The following PRKCZ variants were observed in gnomAD, a reference collection of about 807,000 sequenced individuals.
PRKCZ encodes the protein protein kinase C zeta.
PRKCZ carries 33 observed loss-of-function variants against 79.5 expected under a neutral mutation model. The ratio of observed to expected loss-of-function variants is 0.41; its 90% CI spans 0.31 to 0.55. PRKCZ has a LOEUF of 0.55. Among genes scored for constraint, PRKCZ ranks in the 20% least tolerant of loss-of-function variants. The probability of loss-of-function intolerance (pLI) is 0.19; values close to 1 mark genes in which losing one functional copy is unlikely to be tolerated. For missense variants in PRKCZ, 578 were observed against 813.5 expected (o/e 0.71, Z 3.52); for synonymous variants, 342 against 320.9 (o/e 1.07, Z -0.70).
chr1:2,148,642 C>T (rs1353542076), intron 7 of PRKCZ, among the ~76,000 whole-genome samples: 2 of 152,214 alleles, frequency 1.3e-5, no homozygotes, highest in African/African-American at 4.8e-5. Context: ...CCCCTGGGGA[C>T]GTATGTCACG....
intron 4 of PRKCZ, among the ~76,000 whole-genome samples, chr1:2,101,393 C>T (rs961511961): frequency 6.6e-6 from 1 of 152,246 alleles, no homozygotes; most frequent in South Asian, 2.1e-4. Flanking sequence ...CCCCCGGCCC[C>T]CAGCCCTCCT....
chr1:2,152,807 C>T (rs1297355630), intron 9 of PRKCZ, among the ~76,000 whole-genome samples: 1 of 152,242 alleles, frequency 6.6e-6, no homozygotes, highest in Non-Finnish European at 1.5e-5. Context: ...TCCATGTGGC[C>T]GCTCGCTCAG....
chr1:2,069,049 G>C (rs566723731), intron 4 of PRKCZ, among the ~76,000 whole-genome samples: 121 of 152,308 alleles, frequency 7.9e-4, no homozygotes, highest in Non-Finnish European at 1.4e-3. Context: ...ACGTGGCCTG[G>C]TTCCTGCTGG....
At chr1:2,103,683 G>C (rs1236884629) in intron 4 of PRKCZ, among the ~76,000 whole-genome samples, 3 of 152,266 alleles carry the variant, frequency 2.0e-5, no homozygotes, top group Non-Finnish European at 4.4e-5. Context: ...GCAGGGCTAT[G>C]ATTGCAACAC....
rs570498731 is a variant in PRKCZ at position 2,180,524 on chromosome 1, T to C, written c.1576-4059T>C. On this transcript the variant is annotated intron_variant, in intron 16 of 17. Coordinates refer to ENST00000378567, the MANE Select transcript of PRKCZ (RefSeq NM_002744.6). ...CGCACAGATGACGTGGACGCACAGATGACGTGGACGCACGGACGACGTGGA... is the reference window on the plus strand; with the variant it reads ...CGCACAGATGACGTGGACGCACAGACGACGTGGACGCACGGACGACGTGGA... Among the ~76,000 whole-genome samples, 21 of 145,680 alleles carry C rather than the reference T, an allele frequency of 1.4e-4. No individual in the cohort carries two copies. The East Asian group carries it at 2.6e-3, about 18-fold the overall frequency.
intron 4 of PRKCZ, among the ~76,000 whole-genome samples, chr1:2,072,308 ATTTAAATGGAGGT>A (rs765208745): frequency 4.5e-4 from 68 of 152,348 alleles, no homozygotes; most frequent in Non-Finnish European, 5.6e-4. Context: ...GAGCTTGATG[ATTTAAATGGAGGT>A]TTTATTACTG....
intron 4 of PRKCZ, among the ~76,000 whole-genome samples, chr1:2,123,791 G>T (rs1255620848): frequency 5.8e-5 from 1 of 17,292 alleles, no homozygotes; most frequent in Non-Finnish European, 9.6e-5. Context: ...CGTGGCGGTG[G>T]TTAGGGTTGT....
intron 9 of PRKCZ, among the ~76,000 whole-genome samples, chr1:2,155,692 AATG>A (rs1167952560): frequency 2.7e-5 from 4 of 146,732 alleles, no homozygotes; most frequent in Non-Finnish European, 4.5e-5. Flanking sequence ...GGATGGTGAC[AATG>A]ATGACGGTAA....
intron 5 of PRKCZ, among the ~76,000 whole-genome samples, chr1:2,135,745 C>T (rs530675339): frequency 9.9e-4 from 151 of 152,346 alleles, no homozygotes; most frequent in African/African-American, 3.3e-3. Context: ...TAAGAGTCTC[C>T]GTGAACCCTG....
intron 1 of PRKCZ, among the ~76,000 whole-genome samples, chr1:2,054,905 C>T (rs1398952486): frequency 5.9e-5 from 9 of 151,300 alleles, no homozygotes; most frequent in East Asian, 3.9e-4. Context: ...AGGTAGGTCG[C>T]GCTTTTTTCT....
chr1:2,051,361 G>A (rs1659632323), intron 1 of PRKCZ, among the ~76,000 whole-genome samples: 1 of 152,244 alleles, frequency 6.6e-6, no homozygotes, highest in Non-Finnish European at 1.5e-5. Context: ...GCGCTGCTGG[G>A]GGTGGCGGGG....
chr1:2,155,923 C>A lies in PRKCZ; in HGVS notation c.877-72C>A, dbSNP rs1290636740. Reference sequence around the variant, plus strand: ...GCGGAGGAAAGAGACTCCTCCCTTGCCTCCCCCTTGCCCAGGATGCCTGTG... The same window carrying A: ...GCGGAGGAAAGAGACTCCTCCCTTGACTCCCCCTTGCCCAGGATGCCTGTG... On this transcript the variant is annotated intron_variant, in intron 9 of 17. Transcript: ENST00000378567. 2.3e-6 allele frequency: 3 copies of A among 1,332,682 alleles called. No homozygotes were observed. The African/African-American group carries it at 4.3e-5, about 19-fold the overall frequency. 82.6% of individuals were successfully genotyped at this position (1,332,682 alleles called of 1,614,324 possible).
At chr1:2,080,731 C>G (rs1663341300) in intron 4 of PRKCZ, among the ~76,000 whole-genome samples, 1 of 152,150 alleles carries the variant, frequency 6.6e-6, no homozygotes, top group South Asian at 2.1e-4. Context: ...CCCCTCCTGC[C>G]CCCTTTCTGT....
intron 4 of PRKCZ, among the ~76,000 whole-genome samples, chr1:2,066,697 C>T (rs996127681): frequency 2.2e-4 from 33 of 152,274 alleles, no homozygotes; most frequent in African/African-American, 7.7e-4. Flanking sequence ...TGTTCTTTTT[C>T]TGGTTCCTTG....
intron 4 of PRKCZ, among the ~76,000 whole-genome samples, chr1:2,120,074 T>G (rs3107151): frequency 0.65 from 98,491 of 151,962 alleles, 32,327 homozygotes; most frequent in African/African-American, 0.75. Flanking sequence ...TTGGAGTGTT[T>G]GTCATTTCTG....
intron 3 of PRKCZ, among the ~76,000 whole-genome samples, 184 bp from the exon 4 acceptor site, chr1:2,059,357 G>A (rs953813391): frequency 2.0e-5 from 3 of 152,146 alleles, no homozygotes; most frequent in African/African-American, 7.2e-5. Flanking sequence ...TTTTAAAGTC[G>A]GAGCCTGGCC....
At chr1:2,079,846 C>T (rs925445374) in intron 4 of PRKCZ, among the ~76,000 whole-genome samples, 1 of 152,184 alleles carries the variant, frequency 6.6e-6, no homozygotes, top group Non-Finnish European at 1.5e-5. Flanking sequence ...TGGGGCACCA[C>T]AGAGCTGGTG....
chr1:2,089,943 G>A (rs1038775370), intron 4 of PRKCZ, among the ~76,000 whole-genome samples: 1 of 152,112 alleles, frequency 6.6e-6, no homozygotes, highest in Non-Finnish European at 1.5e-5. Flanking sequence ...GGAGACCAGC[G>A]TCTGAGAGCT....
At position 2,184,879 on chromosome 1, in the gene PRKCZ, A is replaced by G. The variant is rs766602379; in HGVS notation, c.1692-43A>G. 1.9e-5 allele frequency: 29 copies of G among 1,545,634 alleles called. 1 individual carries two copies. Among genetic ancestry groups the G allele is most frequent in the South Asian group, 6.8e-5 (6 of 88,508 alleles). Reference sequence around the variant, plus strand: ...TGACTCCGCTTCCCCCAAGGGAATGAACACACGGTCACCCCCCTCCCCCCT... The same window carrying G: ...TGACTCCGCTTCCCCCAAGGGAATGGACACACGGTCACCCCCCTCCCCCCT... On this transcript the variant is annotated intron_variant, in intron 17 of 17. Coordinates refer to ENST00000378567, the MANE Select transcript of PRKCZ (RefSeq NM_002744.6).
Sources: allele counts gnomAD v4.1 joint callset (sites outside exome capture counted in the v4.1 genomes callset), GRCh38; gene constraint gnomAD v4.1.1; transcripts MANE v1.5; gene names NCBI Gene and HGNC (gene_info 2026-07-23, HGNC 2026-07-21).